The following NIPBL variants were observed in gnomAD, a reference collection of about 807,000 sequenced individuals.
NIPBL encodes the protein nipped-B-like protein.
In NIPBL, 19 loss-of-function variants were observed where a neutral mutation model predicts 321.8. The ratio of observed to expected loss-of-function variants is 0.06; its 90% CI spans 0.04 to 0.09. The LOEUF is 0.09. Among genes scored for constraint, NIPBL ranks in the 10% least tolerant of loss-of-function variants. NIPBL has a pLI of 1.00. For synonymous variants in NIPBL, 1,106 were observed against 1,114.1 expected (o/e 0.99, Z 0.14); for missense variants, 2,210 against 3,327.0 (o/e 0.66, Z 8.26).
intron 1 of NIPBL, among the ~76,000 whole-genome samples, chr5:36,949,718 G>T (rs1299164917): frequency 6.6e-6 from 1 of 151,702 alleles, no homozygotes; most frequent in Non-Finnish European, 1.5e-5. Flanking sequence ...AAAGTGGCCC[G>T]CCAGAAAGTT....
intron 1 of NIPBL, among the ~76,000 whole-genome samples, chr5:36,898,924 A>G (rs1746995250): frequency 6.6e-6 from 1 of 152,236 alleles, no homozygotes; most frequent in African/African-American, 2.4e-5. Context: ...TAGGTGGATT[A>G]TATAATAAAT....
chr5:36,924,093 T>C (rs1359779268), intron 1 of NIPBL, among the ~76,000 whole-genome samples: 1 of 152,186 alleles, frequency 6.6e-6, no homozygotes, highest in Non-Finnish European at 1.5e-5. Context: ...CTTAAGTGAT[T>C]AATCAAACTA....
intron 33 of NIPBL, among the ~76,000 whole-genome samples, chr5:37,037,984 CTTTT>C (rs34425779): frequency 4.3e-5 from 5 of 116,216 alleles, no homozygotes; most frequent in Non-Finnish European, 6.8e-5. Flanking sequence ...TATTCACTTC[CTTTT>C]TTTTTTTTTT....
intron 9 of NIPBL, among the ~76,000 whole-genome samples, chr5:36,983,101 A>G (rs1011356573): frequency 6.6e-6 from 1 of 151,970 alleles, no homozygotes; most frequent in Non-Finnish European, 1.5e-5. Flanking sequence ...TTCTATAAAC[A>G]TAAATTTAGT....
At chr5:36,977,366 C>G (rs1412898089) in intron 9 of NIPBL, among the ~76,000 whole-genome samples, 2 of 151,778 alleles carry the variant, frequency 1.3e-5, no homozygotes, top group Non-Finnish European at 2.9e-5. Context: ...CAGTGTTTGA[C>G]AGGATCATGA....
At chr5:36,936,648 C>T (rs1399779029) in intron 1 of NIPBL, among the ~76,000 whole-genome samples, 1 of 152,136 alleles carries the variant, frequency 6.6e-6, no homozygotes, top group Non-Finnish European at 1.5e-5. Flanking sequence ...CCAGAATTCT[C>T]ACTACCATCC....
intron 10 of NIPBL, among the ~76,000 whole-genome samples, chr5:36,993,849 C>T (rs971779195): frequency 2.0e-5 from 3 of 151,922 alleles, no homozygotes; most frequent in Admixed American, 1.3e-4. Flanking sequence ...CCAGGAAGTA[C>T]ATCTGTAAGT....
At chr5:36,936,297 C>A (rs970634312) in intron 1 of NIPBL, among the ~76,000 whole-genome samples, 1 of 152,094 alleles carries the variant, frequency 6.6e-6, no homozygotes, top group Admixed American at 6.6e-5. Context: ...ATTTGGTCAA[C>A]AACAGACCAT....
intron 1 of NIPBL, among the ~76,000 whole-genome samples, chr5:36,880,899 T>C (rs1050433058): frequency 9.2e-5 from 14 of 152,034 alleles, no homozygotes; most frequent in African/African-American, 3.4e-4. Context: ...CCATATGATT[T>C]GTGTAGATTC....
At chr5:36,936,041 G>T (rs1738380684) in intron 1 of NIPBL, among the ~76,000 whole-genome samples, 1 of 151,990 alleles carries the variant, frequency 6.6e-6, no homozygotes, top group African/African-American at 2.4e-5. Context: ...GGCTCCCAGT[G>T]GACTTATTTG....
intron 1 of NIPBL, among the ~76,000 whole-genome samples, chr5:36,920,195 G>C (rs1327458980): frequency 6.6e-6 from 1 of 152,046 alleles, no homozygotes; most frequent in Non-Finnish European, 1.5e-5. Flanking sequence ...TGTTTTCAGA[G>C]ACTAAGAAAG....
At chr5:36,958,351 A>G (rs1329104398) in intron 4 of NIPBL, 120 bp downstream of exon 4, 1 of 897,272 alleles carries the variant, frequency 1.1e-6, no homozygotes. Flanking sequence ...CAGTCAAGCC[A>G]AGAACAAGAA....
intron 1 of NIPBL, among the ~76,000 whole-genome samples, chr5:36,915,760 A>C (rs572345880): frequency 3.3e-5 from 5 of 152,152 alleles, no homozygotes. Context: ...AAAAATGATA[A>C]ATTTTATCAT....
At chr5:37,040,827 A>AT (rs1579540566) in intron 34 of NIPBL, among the ~76,000 whole-genome samples, 1 of 152,176 alleles carries the variant, frequency 6.6e-6, no homozygotes, top group East Asian at 1.9e-4. Context: ...GCTGTATGTG[A>AT]CAATCATTGT....
Position 37,064,888 on chromosome 5 carries a change from G to C in NIPBL, c.8411G>C (p.Ser2804Thr), listed in dbSNP as rs199865449. 1 of 1,614,140 alleles carries C rather than the reference G, an allele frequency of 6.2e-7. No homozygotes were observed. The highest frequency in any genetic ancestry group is 2.2e-5 in the East Asian group (1 of 44,890). The stretch of plus-strand genomic sequence containing the variant: ...TATGCCGCCAAGGATGGGACTTCCA[G>C]CTAATGAATTTGTACATGCAGCCAA... Reference protein sequence around the residue: ...SLYAAKDGTSS With the variant: ...SLYAAKDGTST The change falls in exon 47 of 47, where the codon AGC becomes ACC. Residue 2804 changes from serine to threonine, a missense_variant. Around this residue, in one of 14 missense-constraint regions of NIPBL, gnomAD observed 159 missense variants for 319.2 expected, o/e 0.50. Transcript: ENST00000282516.
chr5:36,926,049 G>A (rs945545201), intron 1 of NIPBL, among the ~76,000 whole-genome samples: 11 of 152,042 alleles, frequency 7.2e-5, no homozygotes, highest in African/African-American at 2.7e-4. Context: ...CATTACCATG[G>A]CAATACCTTC....
At chr5:36,913,543 C>G (rs1261560931) in intron 1 of NIPBL, among the ~76,000 whole-genome samples, 1 of 152,048 alleles carries the variant, frequency 6.6e-6, no homozygotes. Context: ...ATGTGTGCCA[C>G]CACAGCTGGC....
At chr5:36,993,616 G>A (rs1395208761) in intron 10 of NIPBL, among the ~76,000 whole-genome samples, 1 of 152,024 alleles carries the variant, frequency 6.6e-6, no homozygotes, top group Non-Finnish European at 1.5e-5. Flanking sequence ...TTGAGTCAGT[G>A]TGTCTGTGAT....
At chr5:36,967,785 A>G (rs1742370231) in intron 6 of NIPBL, among the ~76,000 whole-genome samples, 1 of 152,100 alleles carries the variant, frequency 6.6e-6, no homozygotes, top group East Asian at 1.9e-4. Context: ...CCTTAAGGTG[A>G]AACAAATTTT....
Sources: gnomAD v4.1 joint callset for allele counts (sites outside exome capture counted in the v4.1 genomes callset) on GRCh38, gnomAD v4.1.1 for gene constraint, gnomAD v4.1.1 regional missense constraint, MANE v1.5 for transcripts, NCBI Gene and HGNC (gene_info 2026-07-23, HGNC 2026-07-21) for gene names.